SLC14A2: variants seen among roughly 807,000 people sequenced by gnomAD.
SLC14A2 encodes the protein solute carrier family 14 member 2.
In SLC14A2, 91 loss-of-function variants were observed where a neutral mutation model predicts 104.6. The observed-to-expected ratio is 0.87, with a 90% CI of 0.73 to 1.04. SLC14A2 has a LOEUF of 1.04. Among genes scored for constraint, SLC14A2 ranks in the 50% least tolerant of loss-of-function variants. The pLI, the probability that SLC14A2 is intolerant of heterozygous loss-of-function variation, is 0.00. For synonymous variants in SLC14A2, 476 were observed against 466.4 expected (o/e 1.02, Z -0.27); for missense variants, 1,189 against 1,156.0 (o/e 1.03, Z -0.41).
At chr18:45,264,381 T>G (rs2144105891) in intron 1 of SLC14A2, among the ~76,000 whole-genome samples, 1 of 152,338 alleles carries the variant, frequency 6.6e-6, no homozygotes, top group Admixed American at 6.5e-5. Flanking sequence ...ATAAAGTATT[T>G]TCAGAATTAT....
intron 2 of SLC14A2, among the ~76,000 whole-genome samples, chr18:45,589,156 A>G (rs897019755): frequency 1.3e-5 from 2 of 152,078 alleles, no homozygotes; most frequent in African/African-American, 4.8e-5. Context: ...CTCGGCCAGG[A>G]CTGTGGAGTT....
At chr18:45,542,799 T>C (rs760519880) in intron 2 of SLC14A2, among the ~76,000 whole-genome samples, 1 of 152,196 alleles carries the variant, frequency 6.6e-6, no homozygotes, top group Admixed American at 6.5e-5. Flanking sequence ...GGCTGACGAG[T>C]ATCCACCATT....
intron 1 of SLC14A2, among the ~76,000 whole-genome samples, chr18:45,281,846 G>A (rs1024308523): frequency 6.6e-6 from 1 of 152,264 alleles, no homozygotes; most frequent in African/African-American, 2.4e-5. Context: ...TGTAAAATAG[G>A]AAGGGGAAAC....
the SLC14A2 span, among the ~76,000 whole-genome samples, chr18:45,201,504 C>T: frequency 2.6e-5 from 4 of 151,712 alleles, no homozygotes; most frequent in Non-Finnish European, 5.9e-5. Flanking sequence ...GCTCTTGGCT[C>T]TTGTGTTCCT....
At chr18:45,388,683 C>T (rs112590911) in intron 1 of SLC14A2, among the ~76,000 whole-genome samples, 3 of 152,260 alleles carry the variant, frequency 2.0e-5, no homozygotes, top group African/African-American at 7.2e-5. Flanking sequence ...GAATTCCACT[C>T]CATGTTTCTC....
intron 1 of SLC14A2, among the ~76,000 whole-genome samples, chr18:45,340,876 C>T (rs2085386594): frequency 6.6e-6 from 1 of 152,168 alleles, no homozygotes; most frequent in South Asian, 2.1e-4. Context: ...CCACCCTTCA[C>T]AACCTGCAAC....
intron 1 of SLC14A2, among the ~76,000 whole-genome samples, chr18:45,467,588 C>G (rs2087168040): frequency 6.6e-6 from 1 of 152,122 alleles, no homozygotes; most frequent in Admixed American, 6.5e-5. Context: ...GTTACCTTGT[C>G]CCCTTCAGGG....
intron 1 of SLC14A2, among the ~76,000 whole-genome samples, chr18:45,366,478 T>C (rs570227658): frequency 2.0e-5 from 3 of 152,288 alleles, no homozygotes; most frequent in African/African-American, 7.2e-5. Context: ...AAAAAGACAG[T>C]GTGCAATGTG....
intron 2 of SLC14A2, among the ~76,000 whole-genome samples, chr18:45,488,595 GGTCATCTGGCCCATGAAT>G (rs1414074718): frequency 6.6e-6 from 1 of 152,184 alleles, no homozygotes; most frequent in African/African-American, 2.4e-5. Context: ...TACAGCTTTG[GGTCATCTGGCCCATGAAT>G]GTCATTGGCT....
chr18:45,192,082 C>T, the SLC14A2 span, among the ~76,000 whole-genome samples: 1 of 152,168 alleles, frequency 6.6e-6, no homozygotes, highest in Non-Finnish European at 1.5e-5. Context: ...TCTCAGCTTT[C>T]AACTGTGCTT....
chr18:45,186,320 G>T, the SLC14A2 span, among the ~76,000 whole-genome samples: 3 of 152,112 alleles, frequency 2.0e-5, no homozygotes, highest in African/African-American at 4.8e-5. Flanking sequence ...ATGACCAACT[G>T]GTTTTGCACA....
chr18:45,608,181 G>T (rs1353025205), intron 2 of SLC14A2, among the ~76,000 whole-genome samples: 1 of 152,210 alleles, frequency 6.6e-6, no homozygotes, highest in East Asian at 1.9e-4. Context: ...TACAGGATGT[G>T]CTACAGAGAA....
At chr18:45,294,163 G>A (rs1313286700) in intron 1 of SLC14A2, among the ~76,000 whole-genome samples, 1 of 152,102 alleles carries the variant, frequency 6.6e-6, no homozygotes, top group Non-Finnish European at 1.5e-5. Context: ...ATGTAAATAT[G>A]TATTAAAATA....
chr18:45,170,338 T>C, the SLC14A2 span, among the ~76,000 whole-genome samples: 1 of 152,078 alleles, frequency 6.6e-6, no homozygotes, highest in Non-Finnish European at 1.5e-5. Context: ...AAGGTGTCTT[T>C]GGGAAATGTT....
chr18:45,634,245 G>C (rs1050098723), intron 5 of SLC14A2, among the ~76,000 whole-genome samples: 2 of 152,160 alleles, frequency 1.3e-5, no homozygotes, highest in African/African-American at 2.4e-5. Flanking sequence ...AATATCTGTT[G>C]AGTGCCTGAA....
At chr18:45,216,616 A>G (rs532709081) in intron 1 of SLC14A2, among the ~76,000 whole-genome samples, 1 of 152,228 alleles carries the variant, frequency 6.6e-6, no homozygotes, top group East Asian at 1.9e-4. Context: ...TTTCTGCGGT[A>G]TATGGGAACT....
chr18:45,519,603 G>T (rs983021244), intron 2 of SLC14A2, among the ~76,000 whole-genome samples: 4 of 152,190 alleles, frequency 2.6e-5, no homozygotes, highest in African/African-American at 9.7e-5. Context: ...CCCTGCCAGA[G>T]AACTAATTGG....
chr18:45,176,436 C>T, the SLC14A2 span, among the ~76,000 whole-genome samples: 4 of 152,082 alleles, frequency 2.6e-5, no homozygotes, highest in African/African-American at 7.2e-5. Context: ...AGGATTTGCA[C>T]CATATAGAAA....
intron 1 of SLC14A2, among the ~76,000 whole-genome samples, chr18:45,405,005 C>T (rs1052987569): frequency 6.6e-6 from 1 of 152,192 alleles, no homozygotes; most frequent in Admixed American, 6.6e-5. Context: ...CCACATGGAA[C>T]TTCTAGGGCT....
Sources: allele counts gnomAD v4.1 joint callset (sites outside exome capture counted in the v4.1 genomes callset), GRCh38; gene constraint gnomAD v4.1.1; transcripts MANE v1.5; gene names NCBI Gene and HGNC (gene_info 2026-07-23, HGNC 2026-07-21).